Variants in TSKS observed in about 807,000 individuals in gnomAD.
TSKS encodes the protein testis-specific serine kinase substrate.
A neutral mutation model predicts 68.0 loss-of-function variants in TSKS; 27 were observed. The observed-to-expected ratio is 0.40, with a 90% CI of 0.29 to 0.55. TSKS has a LOEUF of 0.55. Ranked by LOEUF, TSKS falls within the 20% of genes least tolerant of loss-of-function variation. The probability of loss-of-function intolerance (pLI) is 0.53; values close to 1 mark genes in which losing one functional copy is unlikely to be tolerated. For synonymous variants in TSKS, 331 were observed against 340.4 expected, an observed-to-expected ratio of 0.97 and a Z score of 0.30; for missense variants, 806 against 776.0, an observed-to-expected ratio of 1.04 and a Z score of -0.46.
rs549647891 is a variant in TSKS at position 49,744,241 on chromosome 19, G to A, written c.1351C>T (p.Arg451Cys). The part of the protein sequence containing the change: ...LDRSHQGNCA[R>C]CASQGSQLST... The stretch of plus-strand genomic sequence containing the variant: ...GCCCAGCCCCGTTACCTGGCACAGC[G>A]GGCACAGTTGCCTTGGTGGGACCGA... Residue 451 changes from arginine (R) to cysteine (C), a missense_variant, in exon 8 of 11, where the codon CGC becomes TGC. Physicochemically the swap from Arg to Cys is radical, Grantham distance 180. Coordinates refer to ENST00000246801, the MANE Select transcript of TSKS (RefSeq NM_021733.2). 1.6e-5 allele frequency: 26 copies of A among 1,611,954 alleles called. No individual in the cohort carries two copies. The highest frequency in any genetic ancestry group is 1.1e-4 in the South Asian group (10 of 91,050).
chr19:49,753,696 TG>T (rs1377399938), intron 2 of TSKS, among the ~76,000 whole-genome samples: 1 of 149,954 alleles, frequency 6.7e-6, no homozygotes, highest in African/African-American at 2.4e-5. Context: ...GAGGCTGCAG[TG>T]GGCCACAATC....
intron 2 of TSKS, among the ~76,000 whole-genome samples, chr19:49,757,886 T>C (rs1387180470): frequency 6.8e-6 from 1 of 147,416 alleles, no homozygotes; most frequent in Non-Finnish European, 1.5e-5. Flanking sequence ...TAGGTCTCTG[T>C]CTTCTTTTTT....
At chr19:49,740,530 C>A (rs1268185229) in intron 9 of TSKS, among the ~76,000 whole-genome samples, 3 of 152,198 alleles carry the variant, frequency 2.0e-5, no homozygotes, top group Non-Finnish European at 4.4e-5. Context: ...ATGGTGACCT[C>A]CTACATTCCA....
chr19:49,750,379 C>A (rs2084340022), intron 2 of TSKS, among the ~76,000 whole-genome samples: 1 of 151,846 alleles, frequency 6.6e-6, no homozygotes, highest in African/African-American at 2.4e-5. Flanking sequence ...CTGCTTCAGC[C>A]TCCCGAATAG....
At chr19:49,740,274 C>T in intron 9 of TSKS, 91 bp from the exon 10 acceptor site, 1 of 1,450,880 alleles carries the variant, frequency 6.9e-7, no homozygotes, top group Non-Finnish European at 9.2e-7. Context: ...GGGTAGGGTC[C>T]CATGGGGCCC....
At position 49,755,317 on chromosome 19, in the gene TSKS, T is replaced by C. The variant is rs533854001; in HGVS notation, c.399+6687A>G. Among the ~76,000 whole-genome samples, 8 of 152,260 alleles carry C rather than the reference T, an allele frequency of 5.3e-5. No individual in the cohort carries two copies. The East Asian group carries it at 1.3e-3, about 26-fold the overall frequency. ...AGGAAAGAAAGGGGCAGAAAGAATATTTGAAGAAATAATGGTTGAAAACTT... is the reference window on the plus strand; with the variant it reads ...AGGAAAGAAAGGGGCAGAAAGAATACTTGAAGAAATAATGGTTGAAAACTT... On this transcript the variant is annotated intron_variant, in intron 2 of 10. Transcript: ENST00000246801.
At chr19:49,744,110 C>T (rs976996971) in intron 8 of TSKS, 121 bp downstream of exon 8, 2 of 1,033,216 alleles carry the variant, frequency 1.9e-6, no homozygotes, top group Non-Finnish European at 2.9e-6. Context: ...CTACAATGCA[C>T]TGGGATACCT....
At chr19:49,747,945 G>T (rs774370019) in intron 4 of TSKS, 140 bp downstream of exon 4, 6 of 769,848 alleles carry the variant, frequency 7.8e-6, no homozygotes, top group Non-Finnish European at 1.3e-5. Context: ...CTGACCTCAG[G>T]TGATCTGCCT....
At chr19:49,745,421 G>C (rs1457738028) in intron 6 of TSKS, 25 bp from the exon 7 acceptor site, 1 of 1,503,970 alleles carries the variant, frequency 6.6e-7, no homozygotes, top group African/African-American at 1.4e-5. Context: ...GAGGGGAATG[G>C]GTAGGGGCTA....
In TSKS at chr19:49,741,899, G is replaced by A. The variant is rs376165380; in HGVS notation, c.1483C>T (p.His495Tyr). 20 of 1,614,064 alleles carry A rather than the reference G, an allele frequency of 1.2e-5. No homozygotes were observed. The highest frequency in any genetic ancestry group is 1.6e-5 in the Non-Finnish European group (19 of 1,180,042). The change falls in exon 9 of 11, where the codon CAC (histidine) becomes TAC (tyrosine). Residue 495 changes from histidine (H) to tyrosine (Y), a missense_variant. Physicochemically the swap from His to Tyr is moderately conservative, Grantham distance 83. Transcript: ENST00000246801. ...TTCCCTGGTACCAGAATCTTCTTGT[G>A]TAGCCTCTGACAGCTGGGACAGGCA... is the stretch of plus-strand genomic sequence containing the variant. ...TPACPSCQRL[H>Y]KKILELERQA...
chr19:49,748,151 C>T lies in TSKS; in HGVS notation c.513G>A (p.Leu171=), dbSNP rs778674944. ...GCCGCCTTCTCTCCAGATTCTCGCT[C>T]AGCACAGAACACTCGCTCTGGAGCA... ...VQSLQSECSV[L]SENLERRRQE... is the part of the protein sequence containing the mutation. The change falls in exon 4 of 11, where the codon CTG becomes CTA. Residue 171 remains leucine (L), a synonymous_variant. Coordinates refer to ENST00000246801, the MANE Select transcript of TSKS (RefSeq NM_021733.2). 1 of 1,614,192 alleles carries T rather than the reference C, an allele frequency of 6.2e-7. No homozygotes were observed. Among genetic ancestry groups the T allele is most frequent in the Non-Finnish European group, 8.5e-7 (1 of 1,180,040 alleles).
intron 2 of TSKS, among the ~76,000 whole-genome samples, chr19:49,751,627 A>T (rs1183442889): frequency 6.6e-6 from 1 of 152,136 alleles, no homozygotes; most frequent in Non-Finnish European, 1.5e-5. Context: ...AAGAAGAGTC[A>T]TTCTATGATT....
chr19:49,741,155 G>A (rs941410964), intron 9 of TSKS, among the ~76,000 whole-genome samples: 1 of 151,946 alleles, frequency 6.6e-6, no homozygotes, highest in East Asian at 1.9e-4. Context: ...TCCAGCCTGG[G>A]CGACAGAGCG....
chr19:49,743,789 C>T lies in TSKS; in HGVS notation c.1361+442G>A, dbSNP rs143626831. 5.3e-5 allele frequency among the ~76,000 whole-genome samples: 8 copies of T among 152,172 alleles called. No homozygotes were observed. In the East Asian group the frequency reaches 9.7e-4, roughly 18 times the overall value. On this transcript the variant is annotated intron_variant, in intron 8 of 10. Coordinates refer to ENST00000246801, the MANE Select transcript of TSKS (RefSeq NM_021733.2). Reference sequence around the variant, plus strand: ...TGCTGGGATTACAGGCATGAGCCACCGCGCCCAGCCTGGTCCAAGTGAATT... The same window carrying T: ...TGCTGGGATTACAGGCATGAGCCACTGCGCCCAGCCTGGTCCAAGTGAATT...
chr19:49,761,972 C>G (rs2084444371), intron 2 of TSKS, 32 bp downstream of exon 2: 1 of 1,577,178 alleles, frequency 6.3e-7, no homozygotes, highest in Non-Finnish European at 8.7e-7. Context: ...GGACCTCGGT[C>G]CTCCCCAGCG....
rs189667402 is a variant in TSKS at position 49,747,037 on chromosome 19, G to A, written c.664-239C>T. 338 of 1,283,846 alleles carry A rather than the reference G, an allele frequency of 2.6e-4. No individual in the cohort carries two copies. The African/African-American group carries it at 4.4e-3, about 17-fold the overall frequency. 79.5% of individuals were successfully genotyped at this position (1,283,846 alleles called of 1,614,324 possible). A position where few individuals can be genotyped will look rare whatever the true frequency, so the allele number is the denominator to read the frequency against. On this transcript the variant is annotated intron_variant, in intron 5 of 10. Transcript: ENST00000246801. ...TCCAGGTATCCACCCGGCCCTCCAA[G>A]CCCTCCAGGCGTCAAATACCAGTCC...
chr19:49,761,079 C>T (rs560184926), intron 2 of TSKS, among the ~76,000 whole-genome samples: 59 of 149,444 alleles, frequency 3.9e-4, no homozygotes, highest in East Asian at 3.1e-3. Flanking sequence ...GCAACAAGAG[C>T]GAAACTCTGT....
chr19:49,759,111 C>G (rs902730118), intron 2 of TSKS, among the ~76,000 whole-genome samples: 35 of 151,948 alleles, frequency 2.3e-4, no homozygotes, highest in Non-Finnish European at 4.6e-4. Context: ...CCTGCCTCAG[C>G]CTCCCAAAGT....
intron 4 of TSKS, among the ~76,000 whole-genome samples, 156 bp downstream of exon 4, chr19:49,747,929 A>C (rs1036406709): frequency 2.0e-4 from 31 of 152,100 alleles, no homozygotes; most frequent in African/African-American, 7.0e-4. Context: ...GGCTGGTCTC[A>C]AACTCCTGAC....
Sources: gnomAD v4.1 joint callset for allele counts (sites outside exome capture counted in the v4.1 genomes callset) on GRCh38, gnomAD v4.1.1 for gene constraint, MANE v1.5 for transcripts, NCBI Gene and HGNC (gene_info 2026-07-23, HGNC 2026-07-21) for gene names.